The following EYA4 variants were observed in gnomAD, a reference collection of about 807,000 sequenced individuals.
EYA4 encodes the protein protein phosphatase EYA4.
A neutral mutation model predicts 87.9 loss-of-function variants in EYA4; 31 were observed. The ratio of observed to expected loss-of-function variants is 0.35; its 90% CI spans 0.27 to 0.48. The LOEUF (loss-of-function observed/expected upper bound fraction) is 0.48. Ranked by LOEUF, EYA4 falls within the 20% of genes least tolerant of loss-of-function variation. The pLI is 0.99. For missense variants in EYA4, 678 were observed against 761.4 expected, an observed-to-expected ratio of 0.89 and a Z score of 1.29; for synonymous variants, 263 against 270.6, an observed-to-expected ratio of 0.97 and a Z score of 0.28.
intron 3 of EYA4, among the ~76,000 whole-genome samples, chr6:133,426,493 T>C (rs939608540): frequency 3.3e-5 from 5 of 152,228 alleles, no homozygotes; most frequent in Non-Finnish European, 7.3e-5. Context: ...TGAATCAGCT[T>C]GCTAACCTAT....
intron 1 of EYA4, among the ~76,000 whole-genome samples, chr6:133,273,963 G>C (rs938527177): frequency 6.6e-6 from 1 of 152,058 alleles, no homozygotes; most frequent in East Asian, 1.9e-4. Context: ...AGAGGATTCA[G>C]GGTTACTTGG....
In EYA4 at chr6:133,332,088, G is replaced by A. The variant is rs113895566; in HGVS notation, c.34-50304G>A. On this transcript the variant is annotated intron_variant, in intron 2 of 19. Coordinates refer to ENST00000355286, the MANE Select transcript of EYA4 (RefSeq NM_004100.5). The stretch of plus-strand genomic sequence containing the variant: ...TTTCCCGGAAGTACTAGCTCTCTGC[G>A]TGGTCACCAAACAGAAGCCTTCCTG... Among the ~76,000 whole-genome samples the A allele has an allele frequency of 4.2e-3, 647 of 152,276 alleles. 5 individuals carry two copies. The highest frequency in any genetic ancestry group is 0.015 in the African/African-American group (635 of 41,550).
At chr6:133,518,279 G>A (rs1799776356) in intron 17 of EYA4, among the ~76,000 whole-genome samples, 3 of 151,670 alleles carry the variant, frequency 2.0e-5, no homozygotes, top group Admixed American at 2.0e-4. Context: ...TGGCTTTAAG[G>A]CAACTAAAGG....
intron 2 of EYA4, among the ~76,000 whole-genome samples, chr6:133,369,114 T>C (rs564691369): frequency 1.3e-5 from 2 of 152,212 alleles, no homozygotes; most frequent in South Asian, 4.1e-4. Flanking sequence ...ATGAAATGAG[T>C]TTAATCTTTC....
intron 3 of EYA4, among the ~76,000 whole-genome samples, chr6:133,438,420 A>G (rs977433022): frequency 7.5e-5 from 11 of 146,868 alleles, no homozygotes; most frequent in African/African-American, 2.8e-4. Context: ...TATGTCGTCC[A>G]GATTGGCTAT....
At chr6:133,303,649 C>T (rs2128318350) in intron 2 of EYA4, among the ~76,000 whole-genome samples, 1 of 152,252 alleles carries the variant, frequency 6.6e-6, no homozygotes, top group African/African-American at 2.4e-5. Context: ...TTTGGGGGTT[C>T]ATTTAATTGA....
chr6:133,361,337 T>C (rs1464544846), intron 2 of EYA4, among the ~76,000 whole-genome samples: 1 of 152,166 alleles, frequency 6.6e-6, no homozygotes, highest in Non-Finnish European at 1.5e-5. Context: ...ATATTTGATG[T>C]CCCTACATTC....
At chr6:133,340,371 T>A (rs553943292) in intron 2 of EYA4, among the ~76,000 whole-genome samples, 177 of 152,296 alleles carry the variant, frequency 1.2e-3, no homozygotes, top group Non-Finnish European at 2.0e-3. Context: ...CACATCTACA[T>A]AAAGTAGTGC....
chr6:133,498,600 G>A (rs1797834979), intron 13 of EYA4, among the ~76,000 whole-genome samples: 1 of 152,166 alleles, frequency 6.6e-6, no homozygotes, highest in South Asian at 2.1e-4. Context: ...ATGCCAGGGT[G>A]ACTAGAGAGT....
At chr6:133,410,841 C>A (rs1039142968) in intron 3 of EYA4, among the ~76,000 whole-genome samples, 5 of 151,786 alleles carry the variant, frequency 3.3e-5, no homozygotes, top group African/African-American at 1.2e-4. Flanking sequence ...TTGCATTTTA[C>A]CATTTTGTAG....
At chr6:133,393,022 G>C (rs1474499419) in intron 3 of EYA4, among the ~76,000 whole-genome samples, 1 of 152,194 alleles carries the variant, frequency 6.6e-6, no homozygotes, top group Non-Finnish European at 1.5e-5. Context: ...ACAAGACTCT[G>C]CTTTGCATCA....
At chr6:133,277,884 ATTC>A (rs1777308847) in intron 2 of EYA4, among the ~76,000 whole-genome samples, 1 of 152,206 alleles carries the variant, frequency 6.6e-6, no homozygotes, top group African/African-American at 2.4e-5. Flanking sequence ...ATTCAAAGCT[ATTC>A]TTTTTGCTCG....
chr6:133,346,056 C>T (rs897102350), intron 2 of EYA4, among the ~76,000 whole-genome samples: 1 of 152,160 alleles, frequency 6.6e-6, no homozygotes. Context: ...AGTCAAATGC[C>T]CTCCCTATAT....
At chr6:133,320,655 A>G (rs192282547) in intron 2 of EYA4, among the ~76,000 whole-genome samples, 3 of 151,996 alleles carry the variant, frequency 2.0e-5, no homozygotes, top group South Asian at 2.1e-4. Context: ...CTAATAGGCA[A>G]TTTTTCAATC....
chr6:133,463,144 A>G (rs1364997503), intron 9 of EYA4, among the ~76,000 whole-genome samples: 3 of 152,128 alleles, frequency 2.0e-5, no homozygotes, highest in East Asian at 1.9e-4. Flanking sequence ...TGTTTTGATT[A>G]TACTTAAACT....
At chr6:133,283,919 A>G (rs149091487) in intron 2 of EYA4, among the ~76,000 whole-genome samples, 154 of 152,232 alleles carry the variant, frequency 1.0e-3, no homozygotes, top group African/African-American at 3.5e-3. Flanking sequence ...GCTCCCATTT[A>G]TAAGTGAAAA....
At chr6:133,451,431 C>A (rs1286670324) in intron 5 of EYA4, among the ~76,000 whole-genome samples, 1 of 152,110 alleles carries the variant, frequency 6.6e-6, no homozygotes, top group African/African-American at 2.4e-5. Flanking sequence ...ATAGGTAATT[C>A]CAGATTCTAA....
At chr6:133,518,366 G>C (rs1454859208) in intron 17 of EYA4, among the ~76,000 whole-genome samples, 2 of 152,034 alleles carry the variant, frequency 1.3e-5, no homozygotes, top group Admixed American at 1.3e-4. Flanking sequence ...ACATTGAGTA[G>C]TTACATGCTA....
At chr6:133,435,838 TAC>T (rs34013885) in intron 3 of EYA4, among the ~76,000 whole-genome samples, 33,128 of 150,918 alleles carry the variant, frequency 0.22, 4,238 homozygotes, top group East Asian at 0.43. Flanking sequence ...TGCACGCGTG[TAC>T]ACACACACAC....
Sources: allele counts gnomAD v4.1 joint callset (sites outside exome capture counted in the v4.1 genomes callset), GRCh38; gene constraint gnomAD v4.1.1; transcripts MANE v1.5; gene names NCBI Gene and HGNC (gene_info 2026-07-23, HGNC 2026-07-21).